The following PTPRQ variants were observed in gnomAD, a reference collection of about 807,000 sequenced individuals.
The protein encoded by PTPRQ is protein tyrosine phosphatase receptor type Q.
PTPRQ carries 199 observed loss-of-function variants against 246.0 expected under a neutral mutation model. The observed-to-expected ratio is 0.81, with a 90% CI of 0.72 to 0.91. PTPRQ has a LOEUF of 0.91. Among genes scored for constraint, PTPRQ ranks in the 40% least tolerant of loss-of-function variants. The pLI, the probability that PTPRQ is intolerant of heterozygous loss-of-function variation, is 0.00. For missense variants in PTPRQ, 2,624 were observed against 2,528.4 expected (o/e 1.04, Z -0.81); for synonymous variants, 869 against 853.2 (o/e 1.02, Z -0.32).
intron 20 of PTPRQ, among the ~76,000 whole-genome samples, chr12:80,540,713 A>G (rs1425770090): frequency 6.6e-6 from 1 of 152,118 alleles, no homozygotes; most frequent in Non-Finnish European, 1.5e-5. Flanking sequence ...TGAATTGTTG[A>G]CAAGTTGGTC....
At position 80,475,539 on chromosome 12, in the gene PTPRQ, A is replaced by G. The variant is rs529684132; in HGVS notation, c.1186+3288A>G. ...GATTTTCTTTAGGTAATTTTGTATC[A>G]ATATTAAAGTCTTCTCTAGTTTCCC... On this transcript the variant is annotated intron_variant, in intron 8 of 44. Coordinates refer to ENST00000644991, the MANE Select transcript of PTPRQ (RefSeq NM_001145026.2). Among the ~76,000 whole-genome samples, 5 of 152,176 alleles carry G rather than the reference A, an allele frequency of 3.3e-5. No homozygotes were observed. In the South Asian group the frequency reaches 8.3e-4, roughly 25 times the overall value.
At chr12:80,669,307 C>A in intron 40 of PTPRQ, 32 bp from the exon 41 acceptor site, 7 of 1,545,896 alleles carry the variant, frequency 4.5e-6, no homozygotes, top group Non-Finnish European at 5.2e-6. Context: ...ATAACAATGA[C>A]GCTTATGACT....
intron 23 of PTPRQ, among the ~76,000 whole-genome samples, chr12:80,545,513 T>C (rs1020978547): frequency 2.2e-4 from 33 of 152,146 alleles, no homozygotes; most frequent in African/African-American, 7.5e-4. Flanking sequence ...TCCATGAGGA[T>C]AGCTGATTAA....
intron 17 of PTPRQ, 117 bp downstream of exon 17, chr12:80,510,560 G>A: frequency 9.7e-7 from 1 of 1,026,182 alleles, no homozygotes; most frequent in African/African-American, 1.6e-5. Context: ...ATTATTAATA[G>A]GCTAGTTAAT....
At chr12:80,656,363 T>A (rs961681102) in intron 38 of PTPRQ, among the ~76,000 whole-genome samples, 1 of 152,128 alleles carries the variant, frequency 6.6e-6, no homozygotes, top group African/African-American at 2.4e-5. Flanking sequence ...TATAATGACA[T>A]CTTGTAGCTG....
chr12:80,541,431 A>T, intron 20 of PTPRQ, 124 bp from the exon 21 acceptor site: 1 of 635,010 alleles, frequency 1.6e-6, no homozygotes, highest in Non-Finnish European at 2.3e-6. Context: ...CCACATCTGC[A>T]TTTAAATAAT....
intron 3 of PTPRQ, among the ~76,000 whole-genome samples, chr12:80,448,470 C>T (rs934940810): frequency 7.2e-5 from 11 of 152,070 alleles, no homozygotes; most frequent in African/African-American, 1.5e-4. Flanking sequence ...GTGTGCTGCA[C>T]CCACTAACTC....
intron 27 of PTPRQ, among the ~76,000 whole-genome samples, chr12:80,606,179 G>A (rs1898313979): frequency 6.6e-6 from 1 of 151,022 alleles, no homozygotes; most frequent in Non-Finnish European, 1.5e-5. Context: ...ATATGTGGCA[G>A]TCCTCCAGGT....
At chr12:80,475,330 G>T (rs541891211) in intron 8 of PTPRQ, among the ~76,000 whole-genome samples, 1 of 152,076 alleles carries the variant, frequency 6.6e-6, no homozygotes, top group South Asian at 2.1e-4. Context: ...CATTAATTTT[G>T]AAGTTGGAGA....
Position 80,546,651 on chromosome 12 carries a change from T to A in PTPRQ, c.3969T>A (p.Asn1323Lys), listed in dbSNP as rs957077643. The change falls in exon 24 of 45, where the codon AAT becomes AAA. Residue 1323 changes from asparagine to lysine, a missense_variant. Coordinates refer to ENST00000644991, the MANE Select transcript of PTPRQ (RefSeq NM_001145026.2). ...IRVSAFTKVG[N>K]GNQFSNVVKF... ...TATCTGCGTTCACCAAAGTTGGAAA[T>A]GGCAATCAATTTAGTAATGTAGTAA... 51 of 1,551,412 alleles carry A rather than the reference T, an allele frequency of 3.3e-5. No individual in the cohort carries two copies. Among genetic ancestry groups the A allele is most frequent in the Non-Finnish European group, 4.4e-5 (50 of 1,146,898 alleles).
intron 6 of PTPRQ, among the ~76,000 whole-genome samples, chr12:80,463,265 C>G (rs191863632): frequency 6.6e-6 from 1 of 152,170 alleles, no homozygotes; most frequent in African/African-American, 2.4e-5. Context: ...GAAAGGGTAT[C>G]AGCGATGGAA....
At chr12:80,479,964 CA>C in intron 8 of PTPRQ, among the ~76,000 whole-genome samples, 1 of 151,930 alleles carries the variant, frequency 6.6e-6, no homozygotes, top group Non-Finnish European at 1.5e-5. Context: ...GACAGATCAA[CA>C]AGACAGAAAG....
chr12:80,468,812 A>G lies in PTPRQ; in HGVS notation c.1013A>G (p.Tyr338Cys). 6.5e-7 allele frequency: 1 copy of G among 1,549,734 alleles called. No individual in the cohort carries two copies. The highest frequency in any genetic ancestry group is 8.7e-7 in the Non-Finnish European group (1 of 1,146,100). Residue 338 changes from tyrosine to cysteine, a missense_variant, in exon 7 of 45, where the codon TAT becomes TGT. Coordinates refer to ENST00000644991, the MANE Select transcript of PTPRQ (RefSeq NM_001145026.2). ...PPTIVTGKFSYRVELYGPSGR... is the reference protein window; with the variant it reads ...PPTIVTGKFSCRVELYGPSGR... ...ACTATAGTAACAGGGAAATTTAGTT[A>G]TAGAGTTGAATTATATGGACCATCA...
intron 2 of PTPRQ, among the ~76,000 whole-genome samples, 173 bp from the exon 3 acceptor site, chr12:80,445,318 C>T (rs1277079429): frequency 6.6e-6 from 1 of 151,796 alleles, no homozygotes; most frequent in Non-Finnish European, 1.5e-5. Context: ...TAAAGGAATG[C>T]TTTTGGTATT....
chr12:80,520,454 T>C (rs999860732), intron 17 of PTPRQ, among the ~76,000 whole-genome samples: 10 of 152,074 alleles, frequency 6.6e-5, no homozygotes, highest in African/African-American at 1.7e-4. Context: ...TGGTGTGCTG[T>C]ACCCATTAAC....
In PTPRQ at chr12:80,616,213, A is replaced by ATAG; in HGVS notation, c.5179_5181dup (p.Ser1727dup). The ATAG allele has an allele frequency of 1.3e-6, 2 of 1,488,936 alleles. No homozygotes were observed. The highest frequency in any genetic ancestry group is 1.8e-6 in the Non-Finnish European group (2 of 1,116,602). 92.2% of individuals were successfully genotyped at this position (1,488,936 alleles called of 1,614,324 possible). A position where few individuals can be genotyped will look rare whatever the true frequency, so the allele number is the denominator to read the frequency against. ...TGTTTGTTTTAGGTTTACGCAGTCA[A>ATAG]TAGTGCTGGTGCAGGTCCAAAGGTT... On this transcript the variant is annotated inframe_insertion, in exon 30 of 45. Coordinates refer to ENST00000644991, the MANE Select transcript of PTPRQ (RefSeq NM_001145026.2).
At position 80,625,006 on chromosome 12, in the gene PTPRQ, G is replaced by T. The variant is rs1899144338; in HGVS notation, c.5686+2872G>T. ...CATGCAGCCCATGAGCTGCGAGTTG[G>T]ACAAGCTCGCCACAGATTCAAAAGA... On this transcript the variant is annotated intron_variant, in intron 33 of 44. Transcript: ENST00000644991. Among the ~76,000 whole-genome samples, 5 of 152,266 alleles carry T rather than the reference G, an allele frequency of 3.3e-5. No individual in the cohort carries two copies. The South Asian group carries it at 8.3e-4, about 25-fold the overall frequency.
At chr12:80,447,774 T>C (rs968810786) in intron 3 of PTPRQ, among the ~76,000 whole-genome samples, 2 of 150,778 alleles carry the variant, frequency 1.3e-5, no homozygotes, top group Admixed American at 6.6e-5. Context: ...TATTTTTCTA[T>C]CAGTACTGTG....
At chr12:80,512,484 C>A (rs866040582) in intron 17 of PTPRQ, among the ~76,000 whole-genome samples, 1 of 152,026 alleles carries the variant, frequency 6.6e-6, no homozygotes, top group Non-Finnish European at 1.5e-5. Flanking sequence ...ATTTATAGTT[C>A]CAAAATGTCT....
Sources: gnomAD v4.1 joint callset for allele counts (sites outside exome capture counted in the v4.1 genomes callset) on GRCh38, gnomAD v4.1.1 for gene constraint, MANE v1.5 for transcripts, NCBI Gene and HGNC (gene_info 2026-07-23, HGNC 2026-07-21) for gene names.